ALK: variants seen among roughly 807,000 people sequenced by gnomAD.
The protein encoded by ALK is ALK receptor tyrosine kinase.
ALK carries 74 observed loss-of-function variants against 163.1 expected under a neutral mutation model. The ratio of observed to expected loss-of-function variants is 0.45; its 90% CI spans 0.38 to 0.55. The LOEUF (loss-of-function observed/expected upper bound fraction) is 0.55, where lower values mean the gene tolerates loss of function less well. ALK is among the 20% of genes least tolerant of loss of function. The probability of loss-of-function intolerance (pLI) is 0.00; values close to 1 mark genes in which losing one functional copy is unlikely to be tolerated. For synonymous variants in ALK, 960 were observed against 843.2 expected, an observed-to-expected ratio of 1.14 and a Z score of -2.40; for missense variants, 2,063 against 2,105.3, an observed-to-expected ratio of 0.98 and a Z score of 0.39.
intron 2 of ALK, among the ~76,000 whole-genome samples, chr2:29,703,602 ATAACCATGCCTT>A (rs1482630278): frequency 6.6e-6 from 1 of 152,230 alleles, no homozygotes; most frequent in African/African-American, 2.4e-5. Flanking sequence ...CCGAATTTGC[ATAACCATGCCTT>A]TTGTGAACAC....
At chr2:29,648,942 A>G (rs1303030300) in intron 3 of ALK, among the ~76,000 whole-genome samples, 7 of 152,138 alleles carry the variant, frequency 4.6e-5, no homozygotes, top group Non-Finnish European at 4.4e-5. Flanking sequence ...GGAATTCTAA[A>G]TTGGAAATTA....
intron 1 of ALK, among the ~76,000 whole-genome samples, chr2:29,753,293 G>C (rs954092390): frequency 6.6e-6 from 1 of 152,202 alleles, no homozygotes; most frequent in Non-Finnish European, 1.5e-5. Flanking sequence ...ATCTGTGCAA[G>C]GAACCAGAGT....
At chr2:29,512,804 A>G (rs952606338) in intron 4 of ALK, among the ~76,000 whole-genome samples, 34 of 150,594 alleles carry the variant, frequency 2.3e-4, no homozygotes, top group South Asian at 4.3e-4. Context: ...GCAAAGTCTC[A>G]GGATACAAAA....
At chr2:29,396,649 T>G (rs1669310877) in intron 4 of ALK, among the ~76,000 whole-genome samples, 1 of 151,974 alleles carries the variant, frequency 6.6e-6, no homozygotes. Flanking sequence ...TACTCCAGCC[T>G]AGATGACAGA....
intron 2 of ALK, among the ~76,000 whole-genome samples, chr2:29,707,202 G>C (rs778669938): frequency 9.9e-5 from 15 of 152,118 alleles, no homozygotes; most frequent in Non-Finnish European, 1.5e-4. Context: ...GGAGAAGCCT[G>C]GTGGTTAAGG....
intron 3 of ALK, among the ~76,000 whole-genome samples, chr2:29,533,292 A>C (rs1482057153): frequency 6.6e-6 from 1 of 152,202 alleles, no homozygotes; most frequent in East Asian, 1.9e-4. Context: ...GCAGCAGAGG[A>C]AATGTTCTTA....
chr2:29,499,791 G>A (rs548055771), intron 4 of ALK, among the ~76,000 whole-genome samples: 13 of 151,714 alleles, frequency 8.6e-5, no homozygotes, highest in Non-Finnish European at 1.9e-4. Flanking sequence ...TGAGTCTTGC[G>A]GTGCCTCCAG....
Position 29,700,403 on chromosome 2 carries a change from G to A in ALK, c.788-5389C>T, listed in dbSNP as rs928915089. ...CTACTAAAAATACAAAATTAGCCAGGTGTGGTGGTGCATGCCTGTAATCCC... is the reference window on the plus strand; with the variant it reads ...CTACTAAAAATACAAAATTAGCCAGATGTGGTGGTGCATGCCTGTAATCCC... On this transcript the variant is annotated intron_variant, in intron 2 of 28. Transcript: ENST00000389048. 2.6e-5 allele frequency among the ~76,000 whole-genome samples: 4 copies of A among 152,146 alleles called. 1 individual carries two copies. The highest frequency in any genetic ancestry group is 4.4e-5 in the Non-Finnish European group (3 of 68,030).
At chr2:29,638,906 G>A (rs150660204) in intron 3 of ALK, among the ~76,000 whole-genome samples, 13 of 152,254 alleles carry the variant, frequency 8.5e-5, no homozygotes, top group African/African-American at 3.1e-4. Context: ...CCTGTGTGAG[G>A]GACATGCATG....
chr2:29,328,481 C>T lies in ALK; in HGVS notation c.1283G>A (p.Gly428Glu), dbSNP rs372472978. The change falls in exon 6 of 29, where the codon GGA becomes GAA. Residue 428 changes from glycine (G) to glutamate (E), a missense_variant and splice_region_variant. Physicochemically the swap from Gly to Glu is moderately conservative, Grantham distance 98. Around this residue, in one of 5 missense-constraint regions of ALK, gnomAD observed 987 missense variants for 939.5 expected, o/e 1.05. Transcript: ENST00000389048. ...GGCCATCTTGGAGCCTGGGGATGTT[C>T]CTGGAGAGCACACAGACACACAACC... ...DFFALKNCSE[G>E]TSPGSKMALQ... 3.7e-6 allele frequency: 6 copies of T among 1,614,054 alleles called. No individual in the cohort carries two copies. The highest frequency in any genetic ancestry group is 5.1e-6 in the Non-Finnish European group (6 of 1,180,020).
chr2:29,603,766 T>A (rs185151665), intron 3 of ALK, among the ~76,000 whole-genome samples: 10 of 152,308 alleles, frequency 6.6e-5, no homozygotes, highest in Admixed American at 5.9e-4. Context: ...AGGTCAGTGA[T>A]GAAGGATAGA....
chr2:29,336,334 C>T (rs940392189), intron 5 of ALK, among the ~76,000 whole-genome samples: 4 of 152,180 alleles, frequency 2.6e-5, no homozygotes, highest in Admixed American at 6.5e-5. Flanking sequence ...TTGTTAATGA[C>T]TCTCCCCTGA....
At chr2:29,595,453 T>G (rs983425308) in intron 3 of ALK, among the ~76,000 whole-genome samples, 2 of 151,934 alleles carry the variant, frequency 1.3e-5, no homozygotes, top group African/African-American at 4.8e-5. Flanking sequence ...CCCGAGTAAC[T>G]GGGACTACAG....
chr2:29,514,826 C>G (rs1302655333), intron 4 of ALK, among the ~76,000 whole-genome samples: 3 of 152,174 alleles, frequency 2.0e-5, no homozygotes, highest in Non-Finnish European at 4.4e-5. Context: ...CTATGCCTCA[C>G]TCTGTATTCA....
In ALK at chr2:29,235,856, C is replaced by CTTTTT. The variant is rs569363324; in HGVS notation, c.2356-2165_2356-2161dup. Among the ~76,000 whole-genome samples the CTTTTT allele has an allele frequency of 5.3e-3, 202 of 38,290 alleles. 37 individuals are homozygous for CTTTTT. The highest frequency in any genetic ancestry group is 0.01 in the South Asian group (5 of 478). The allele number at this position is 38,290 out of a possible 152,430, so 25.1% of individuals were successfully genotyped here. ...TACAGGCACAAGCTACCAGGCTCGA[C>CTTTTT]TTTTTTTTTTTTTTTTTTTTTTTTT... On this transcript the variant is annotated intron_variant, in intron 13 of 28. Coordinates refer to ENST00000389048, the MANE Select transcript of ALK (RefSeq NM_004304.5).
intron 5 of ALK, among the ~76,000 whole-genome samples, chr2:29,352,708 AGAG>A (rs768192565): frequency 6.6e-6 from 1 of 152,242 alleles, no homozygotes; most frequent in Non-Finnish European, 1.5e-5. Context: ...GTAGTGGTAG[AGAG>A]GCAGGAGAGG....
intron 4 of ALK, among the ~76,000 whole-genome samples, chr2:29,511,857 G>A (rs577006844): frequency 7.2e-5 from 11 of 152,192 alleles, no homozygotes; most frequent in African/African-American, 2.2e-4. Flanking sequence ...AATGACTAGC[G>A]ATGTTGAGCA....
chr2:29,885,416 T>C (rs1392756758), intron 1 of ALK, among the ~76,000 whole-genome samples: 1 of 152,214 alleles, frequency 6.6e-6, no homozygotes, highest in Non-Finnish European at 1.5e-5. Flanking sequence ...CCATTGAATA[T>C]GCCACTGTTG....
intron 4 of ALK, among the ~76,000 whole-genome samples, chr2:29,399,029 A>T (rs1199763384): frequency 6.6e-6 from 1 of 152,128 alleles, no homozygotes. Context: ...CTGGCTTTGG[A>T]AACCTGCCAA....
Sources: gnomAD v4.1 joint callset for allele counts (sites outside exome capture counted in the v4.1 genomes callset) on GRCh38, gnomAD v4.1.1 for gene constraint, gnomAD v4.1.1 regional missense constraint, MANE v1.5 for transcripts, NCBI Gene and HGNC (gene_info 2026-07-23, HGNC 2026-07-21) for gene names.